Variants in ZNF487 observed in about 807,000 individuals in gnomAD.
The protein encoded by ZNF487 is zinc finger protein 487.
A neutral mutation model predicts 3.0 loss-of-function variants in ZNF487; 4 were observed. The observed-to-expected ratio is 1.35, with a 90% CI of 0.66 to 3.08. The LOEUF is 3.08. Ranked by LOEUF, ZNF487 falls within the 30% of genes most tolerant of loss-of-function variation. ZNF487 has a pLI of 0.01. For synonymous variants in ZNF487, 55 were observed against 34.6 expected (o/e 1.59, Z -2.06); for missense variants, 146 against 98.7 (o/e 1.48, Z -2.03).
chr10:43,480,795 T>A (rs908045203), intron 3 of ZNF487, among the ~76,000 whole-genome samples: 2 of 152,054 alleles, frequency 1.3e-5, no homozygotes, highest in African/African-American at 4.8e-5. Context: ...TTCCATTAAT[T>A]GCAAAGAGTA....
intron 1 of ZNF487, among the ~76,000 whole-genome samples, chr10:43,443,674 C>T (rs999793398): frequency 5.3e-5 from 8 of 151,034 alleles, no homozygotes; most frequent in African/African-American, 1.5e-4. Flanking sequence ...ATGCCCGGCC[C>T]GTTTTTTTTG....
the ZNF487 span, among the ~76,000 whole-genome samples, chr10:43,508,144 A>G: frequency 6.6e-6 from 1 of 152,108 alleles, no homozygotes; most frequent in Non-Finnish European, 1.5e-5. Context: ...GTTAATTCAA[A>G]CCCAGCTTAA....
At chr10:43,501,890 A>G in the ZNF487 span, among the ~76,000 whole-genome samples, 1 of 152,262 alleles carries the variant, frequency 6.6e-6, no homozygotes, top group East Asian at 1.9e-4. Flanking sequence ...AAGATACTTC[A>G]GAGTATATTT....
chr10:43,491,478 G>T, the ZNF487 span, among the ~76,000 whole-genome samples: 1 of 151,394 alleles, frequency 6.6e-6, no homozygotes, highest in Non-Finnish European at 1.5e-5. Flanking sequence ...CAGTGACTCC[G>T]CAGTCCTCAG....
the ZNF487 span, among the ~76,000 whole-genome samples, chr10:43,518,007 A>G: frequency 6.6e-6 from 1 of 152,228 alleles, no homozygotes; most frequent in African/African-American, 2.4e-5. Flanking sequence ...CAGTCGTCCT[A>G]GCACTGGATG....
the ZNF487 span, among the ~76,000 whole-genome samples, chr10:43,498,113 T>C: frequency 3.2e-4 from 3 of 9,336 alleles, no homozygotes; most frequent in Admixed American, 1.7e-3. Flanking sequence ...TTTTTTTTTT[T>C]CTTTTTTTTT....
intron 1 of ZNF487, among the ~76,000 whole-genome samples, chr10:43,446,172 C>T (rs895654666): frequency 5.3e-5 from 8 of 152,348 alleles, no homozygotes; most frequent in African/African-American, 1.7e-4. Context: ...CATCATGGCC[C>T]GTTCTCAATG....
chr10:43,485,494 A>G (rs1438511311), downstream of ZNF487, among the ~76,000 whole-genome samples: 1 of 152,146 alleles, frequency 6.6e-6, no homozygotes, highest in Admixed American at 6.6e-5. Flanking sequence ...CTCTTTTTGC[A>G]CTCTGTATGG....
the ZNF487 span, among the ~76,000 whole-genome samples, chr10:43,504,293 CTTTTT>C: frequency 4.6e-5 from 5 of 108,950 alleles, no homozygotes; most frequent in East Asian, 1.1e-3. Context: ...TTCTTTCTTT[CTTTTT>C]TTTTTTTTTT....
intron 1 of ZNF487, among the ~76,000 whole-genome samples, chr10:43,444,920 T>C (rs1394142337): frequency 6.6e-6 from 1 of 152,104 alleles, no homozygotes; most frequent in Non-Finnish European, 1.5e-5. Context: ...GGCCATCATC[T>C]CTTTGAATAT....
the ZNF487 span, among the ~76,000 whole-genome samples, chr10:43,503,552 C>G: frequency 1.3e-5 from 2 of 152,138 alleles, no homozygotes; most frequent in Non-Finnish European, 1.5e-5. Context: ...AACTTCTAGT[C>G]CTGCAAGCTC....
At chr10:43,498,859 G>A in the ZNF487 span, among the ~76,000 whole-genome samples, 6 of 151,542 alleles carry the variant, frequency 4.0e-5, no homozygotes, top group Admixed American at 3.9e-4. Context: ...GGAGAATGGC[G>A]TGAACCTGGG....
downstream of ZNF487, among the ~76,000 whole-genome samples, chr10:43,484,643 T>A (rs1841455959): frequency 6.6e-6 from 1 of 152,126 alleles, no homozygotes; most frequent in African/African-American, 2.4e-5. Flanking sequence ...TTCCTTTGCA[T>A]AGCTGAAACA....
At chr10:43,473,330 T>C (rs1840973668) in intron 1 of ZNF487, among the ~76,000 whole-genome samples, 1 of 151,924 alleles carries the variant, frequency 6.6e-6, no homozygotes, top group East Asian at 2.0e-4. Flanking sequence ...TCTGCCCATT[T>C]CGGCCTCCCA....
the ZNF487 span, among the ~76,000 whole-genome samples, chr10:43,510,726 T>G: frequency 6.6e-6 from 1 of 152,136 alleles, no homozygotes; most frequent in Non-Finnish European, 1.5e-5. Flanking sequence ...TTTTGTATTT[T>G]TAGTAGAGAC....
chr10:43,475,708 T>A lies in ZNF487; in HGVS notation c.-93-13T>A. The A allele has an allele frequency of 1.3e-6, 1 of 779,614 alleles. No individual in the cohort carries two copies. The highest frequency in any genetic ancestry group is 2.4e-6 in the Non-Finnish European group (1 of 417,492). The allele number at this position is 779,614 out of a possible 1,614,324, so 48.3% of individuals were successfully genotyped here. On this transcript the variant is annotated splice_polypyrimidine_tract_variant and intron_variant, in intron 1 of 3. Coordinates refer to ENST00000437590, the MANE Select transcript of ZNF487 (RefSeq NM_001355444.3). ...CTGATCACTGTAGAATGAAAACAAA[T>A]GTACTGTTCTAGGGATCAGTGTCCT...
the ZNF487 span, among the ~76,000 whole-genome samples, chr10:43,512,750 T>A: frequency 1.3e-5 from 2 of 152,224 alleles, no homozygotes; most frequent in African/African-American, 2.4e-5. Context: ...CATTCTTCTG[T>A]TCTGGACCCC....
At chr10:43,469,259 C>A (rs777583922) in intron 1 of ZNF487, among the ~76,000 whole-genome samples, 3 of 151,956 alleles carry the variant, frequency 2.0e-5, no homozygotes, top group Non-Finnish European at 2.9e-5. Context: ...TGCAGTGGTG[C>A]GACCTTGGCT....
chr10:43,477,718 G>A (rs1841153679), intron 3 of ZNF487, among the ~76,000 whole-genome samples: 2 of 150,452 alleles, frequency 1.3e-5, no homozygotes, highest in South Asian at 2.1e-4. Flanking sequence ...TTGGGAGGCC[G>A]AGGCGGGTTG....
Sources: gnomAD v4.1 joint callset for allele counts (sites outside exome capture counted in the v4.1 genomes callset) on GRCh38, gnomAD v4.1.1 for gene constraint, MANE v1.5 for transcripts, NCBI Gene and HGNC (gene_info 2026-07-23, HGNC 2026-07-21) for gene names.